The following GTF2F2 variants were observed in gnomAD, a reference collection of about 807,000 sequenced individuals.
GTF2F2 encodes the protein general transcription factor IIF subunit 2.
In GTF2F2, 23 loss-of-function variants were observed where a neutral mutation model predicts 42.2. The ratio of observed to expected loss-of-function variants is 0.55; its 90% CI spans 0.39 to 0.77. GTF2F2 has a LOEUF of 0.77. GTF2F2 is among the 30% of genes least tolerant of loss of function. GTF2F2 has a pLI of 0.00. For synonymous variants in GTF2F2, 105 were observed against 100.8 expected (o/e 1.04, Z -0.25); for missense variants, 261 against 287.2 (o/e 0.91, Z 0.66).
At chr13:45,153,398 C>T (rs1399937361) in intron 4 of GTF2F2, among the ~76,000 whole-genome samples, 1 of 151,880 alleles carries the variant, frequency 6.6e-6, no homozygotes. Context: ...CTTGGATGTA[C>T]AGTATAACAG....
chr13:45,196,782 G>T (rs567401536), intron 4 of GTF2F2, among the ~76,000 whole-genome samples: 51 of 152,300 alleles, frequency 3.3e-4, no homozygotes, highest in African/African-American at 1.2e-3. Context: ...TTCATGGGAA[G>T]CCCCAATGCT....
intron 1 of GTF2F2, among the ~76,000 whole-genome samples, chr13:45,127,062 C>T (rs1869045897): frequency 6.6e-6 from 1 of 152,148 alleles, no homozygotes; most frequent in African/African-American, 2.4e-5. Context: ...TTTTCTTCCT[C>T]TCCCTCCCTC....
intron 7 of GTF2F2, among the ~76,000 whole-genome samples, chr13:45,274,475 T>C (rs1394506769): frequency 2.0e-5 from 3 of 151,892 alleles, no homozygotes; most frequent in South Asian, 4.2e-4. Flanking sequence ...TACAGGCACA[T>C]GCCACCACAC....
chr13:45,271,550 T>A (rs932965079), intron 7 of GTF2F2, among the ~76,000 whole-genome samples: 6 of 149,740 alleles, frequency 4.0e-5, no homozygotes, highest in Non-Finnish European at 8.9e-5. Flanking sequence ...ACCCAGCTAA[T>A]TTTTTTTTTC....
intron 4 of GTF2F2, among the ~76,000 whole-genome samples, chr13:45,201,867 AG>A (rs1456715156): frequency 3.9e-5 from 6 of 152,218 alleles, no homozygotes; most frequent in Non-Finnish European, 8.8e-5. Flanking sequence ...AGCCTTTGGT[AG>A]GATGAGTTTG....
At chr13:45,207,948 G>A (rs1873481768) in intron 5 of GTF2F2, among the ~76,000 whole-genome samples, 1 of 152,072 alleles carries the variant, frequency 6.6e-6, no homozygotes, top group Non-Finnish European at 1.5e-5. Flanking sequence ...TTCAAGCCCA[G>A]GAGTTTGAGA....
At chr13:45,135,798 A>C (rs1280461090) in intron 1 of GTF2F2, among the ~76,000 whole-genome samples, 1 of 152,212 alleles carries the variant, frequency 6.6e-6, no homozygotes, top group Non-Finnish European at 1.5e-5. Flanking sequence ...GACACTTGAC[A>C]CTTACTGAGT....
At chr13:45,168,105 C>A (rs1165294626) in intron 4 of GTF2F2, among the ~76,000 whole-genome samples, 1 of 152,192 alleles carries the variant, frequency 6.6e-6, no homozygotes, top group East Asian at 1.9e-4. Flanking sequence ...AGAAAAAAGT[C>A]TGGTTTAGAG....
intron 5 of GTF2F2, among the ~76,000 whole-genome samples, chr13:45,227,821 G>A (rs1336656166): frequency 1.3e-5 from 2 of 152,168 alleles, no homozygotes; most frequent in Non-Finnish European, 2.9e-5. Flanking sequence ...CTGCAGTAGA[G>A]AGATGAGTAA....
At chr13:45,262,025 A>G (rs1024678900) in intron 6 of GTF2F2, among the ~76,000 whole-genome samples, 1 of 152,180 alleles carries the variant, frequency 6.6e-6, no homozygotes, top group Admixed American at 6.5e-5. Context: ...TACTTATCTG[A>G]TACCACAGAG....
chr13:45,135,703 A>G (rs73181592), intron 1 of GTF2F2, among the ~76,000 whole-genome samples: 2 of 152,164 alleles, frequency 1.3e-5, no homozygotes, highest in Admixed American at 6.5e-5. Context: ...GTTTTTTTGC[A>G]CATGAAGTAC....
chr13:45,175,349 G>A (rs1170819415), intron 4 of GTF2F2, among the ~76,000 whole-genome samples: 9 of 152,016 alleles, frequency 5.9e-5, no homozygotes, highest in Non-Finnish European at 1.2e-4. Flanking sequence ...TCTGTTGGAC[G>A]TGTAAGTTGA....
chr13:45,231,915 C>T (rs891369850), intron 5 of GTF2F2, among the ~76,000 whole-genome samples: 16 of 152,082 alleles, frequency 1.1e-4, no homozygotes, highest in East Asian at 3.8e-4. Flanking sequence ...AACATTGTCT[C>T]GGTTAGTGTA....
chr13:45,212,479 C>CT (rs372058595), intron 5 of GTF2F2, among the ~76,000 whole-genome samples: 28 of 111,774 alleles, frequency 2.5e-4, no homozygotes, highest in African/African-American at 5.9e-4. Flanking sequence ...TTCTTTCTTT[C>CT]TTTCTTTCTT....
At chr13:45,241,276 G>T (rs1029516762) in intron 5 of GTF2F2, among the ~76,000 whole-genome samples, 3 of 151,766 alleles carry the variant, frequency 2.0e-5, no homozygotes, top group Non-Finnish European at 4.4e-5. Flanking sequence ...GTGATAAACA[G>T]CTAGAGCTGA....
chr13:45,278,581 C>G (rs967939162), intron 7 of GTF2F2, among the ~76,000 whole-genome samples: 4 of 152,034 alleles, frequency 2.6e-5, no homozygotes, highest in South Asian at 2.1e-4. Context: ...GGTGGTTAGA[C>G]AAAAGATTTA....
intron 5 of GTF2F2, among the ~76,000 whole-genome samples, chr13:45,231,792 C>T (rs1874700627): frequency 6.6e-6 from 1 of 152,168 alleles, no homozygotes; most frequent in Admixed American, 6.5e-5. Flanking sequence ...AATCCCAGCT[C>T]ACATTGGTAG....
intron 5 of GTF2F2, among the ~76,000 whole-genome samples, chr13:45,222,124 G>A (rs1566140011): frequency 6.6e-6 from 1 of 152,054 alleles, no homozygotes; most frequent in Non-Finnish European, 1.5e-5. Context: ...ACCATTGTGT[G>A]ACTACCTTAA....
intron 1 of GTF2F2, among the ~76,000 whole-genome samples, chr13:45,122,402 G>A (rs746680166): frequency 6.6e-6 from 1 of 152,102 alleles, no homozygotes; most frequent in Non-Finnish European, 1.5e-5. Flanking sequence ...TTGGGAGGCC[G>A]AGGTGGGTGG....
Sources: gnomAD v4.1 joint callset for allele counts (sites outside exome capture counted in the v4.1 genomes callset) on GRCh38, gnomAD v4.1.1 for gene constraint, MANE v1.5 for transcripts, NCBI Gene and HGNC (gene_info 2026-07-23, HGNC 2026-07-21) for gene names.